Variants in GRID2 observed in about 807,000 individuals in gnomAD.
The protein encoded by GRID2 is glutamate ionotropic receptor delta type subunit 2.
A neutral mutation model predicts 114.8 loss-of-function variants in GRID2; 33 were observed. That is an observed-to-expected ratio of 0.29 (90% CI 0.22 to 0.38). GRID2 has a LOEUF of 0.38. Ranked by LOEUF, GRID2 falls within the 10% of genes least tolerant of loss-of-function variation. The pLI is 1.00. For synonymous variants in GRID2, 505 were observed against 449.9 expected, an observed-to-expected ratio of 1.12 and a Z score of -1.55; for missense variants, 1,184 against 1,257.7, an observed-to-expected ratio of 0.94 and a Z score of 0.89.
intron 2 of GRID2, among the ~76,000 whole-genome samples, chr4:92,805,668 C>A (rs1740374880): frequency 6.6e-6 from 1 of 151,908 alleles, no homozygotes; most frequent in Non-Finnish European, 1.5e-5. Context: ...TGCAGTGGCT[C>A]ACGCTTGTAA....
At chr4:92,857,142 G>A (rs531493758) in intron 2 of GRID2, among the ~76,000 whole-genome samples, 9 of 152,132 alleles carry the variant, frequency 5.9e-5, no homozygotes, top group South Asian at 2.1e-4. Context: ...TTCCCCTCCC[G>A]CTCCTCAAGC....
intron 13 of GRID2, among the ~76,000 whole-genome samples, chr4:93,589,027 C>A (rs1031046210): frequency 2.1e-5 from 3 of 144,138 alleles, no homozygotes; most frequent in Non-Finnish European, 3.2e-5. Context: ...TCTGCACTCC[C>A]CTGCTTTTTT....
chr4:92,506,346 A>G (rs1266982744), intron 1 of GRID2, among the ~76,000 whole-genome samples: 1 of 152,024 alleles, frequency 6.6e-6, no homozygotes, highest in Admixed American at 6.6e-5. Context: ...TTAAGTGACT[A>G]TGTGACACAA....
intron 2 of GRID2, among the ~76,000 whole-genome samples, chr4:92,951,469 G>C (rs996336474): frequency 2.0e-5 from 3 of 151,738 alleles, no homozygotes; most frequent in Non-Finnish European, 2.9e-5. Flanking sequence ...GCCTCCTGAG[G>C]AGCTTGGACT....
At chr4:93,395,207 A>C (rs1765214250) in intron 8 of GRID2, among the ~76,000 whole-genome samples, 10 of 152,036 alleles carry the variant, frequency 6.6e-5, no homozygotes, top group Admixed American at 6.6e-4. Flanking sequence ...AAAGCCATAT[A>C]AGATCAAATT....
intron 11 of GRID2, among the ~76,000 whole-genome samples, chr4:93,470,696 C>CA (rs1232569191): frequency 6.6e-6 from 1 of 152,008 alleles, no homozygotes; most frequent in Non-Finnish European, 1.5e-5. Context: ...AATGTAGTTT[C>CA]ATAAACTTTC....
intron 9 of GRID2, among the ~76,000 whole-genome samples, chr4:93,407,665 A>G (rs1007224297): frequency 7.1e-6 from 1 of 141,238 alleles, no homozygotes; most frequent in African/African-American, 3.0e-5. Flanking sequence ...GGAACTTTAC[A>G]ATTTTTCAGA....
intron 2 of GRID2, among the ~76,000 whole-genome samples, chr4:92,936,706 A>G (rs1750699783): frequency 6.8e-6 from 1 of 146,192 alleles, no homozygotes; most frequent in African/African-American, 2.4e-5. Flanking sequence ...TTCAATTAAG[A>G]GATTTTTGGA....
chr4:92,909,888 T>C (rs986849047), intron 2 of GRID2, among the ~76,000 whole-genome samples: 1 of 152,144 alleles, frequency 6.6e-6, no homozygotes, highest in Non-Finnish European at 1.5e-5. Flanking sequence ...AGGTTGGAAT[T>C]GTTAAAAGAA....
chr4:93,493,054 C>A (rs1169269633), intron 12 of GRID2, among the ~76,000 whole-genome samples: 1 of 151,786 alleles, frequency 6.6e-6, no homozygotes, highest in Non-Finnish European at 1.5e-5. Context: ...CAAGTTCATC[C>A]ATGTTGTTGC....
intron 4 of GRID2, among the ~76,000 whole-genome samples, chr4:93,147,615 G>A (rs868827029): frequency 1.3e-5 from 2 of 152,144 alleles, no homozygotes; most frequent in Admixed American, 6.5e-5. Context: ...CATGCTGTGA[G>A]CCATTAGCTG....
intron 12 of GRID2, among the ~76,000 whole-genome samples, chr4:93,498,483 A>T (rs567954422): frequency 7.9e-5 from 12 of 151,996 alleles, no homozygotes; most frequent in Non-Finnish European, 1.3e-4. Context: ...ATAGTAATTG[A>T]ATTTTTAATT....
chr4:93,019,515 T>C (rs1341958797), intron 2 of GRID2, among the ~76,000 whole-genome samples: 1 of 152,144 alleles, frequency 6.6e-6, no homozygotes, highest in Non-Finnish European at 1.5e-5. Context: ...ATGATCTACA[T>C]TTTGGTTATT....
intron 8 of GRID2, among the ~76,000 whole-genome samples, chr4:93,348,889 C>A (rs778447525): frequency 3.9e-5 from 6 of 152,186 alleles, no homozygotes; most frequent in Non-Finnish European, 8.8e-5. Context: ...ATCAGATCTA[C>A]ATAGAAAGCT....
At chr4:93,216,381 T>C (rs1485832961) in intron 5 of GRID2, among the ~76,000 whole-genome samples, 3 of 151,270 alleles carry the variant, frequency 2.0e-5, no homozygotes, top group African/African-American at 7.4e-5. Context: ...TAATTAATAA[T>C]AAACTATAAT....
chr4:92,329,023 G>C (rs184463361), intron 1 of GRID2, among the ~76,000 whole-genome samples: 1 of 151,938 alleles, frequency 6.6e-6, no homozygotes, highest in South Asian at 2.1e-4. Context: ...TAGTCTCCTG[G>C]GTAGAGTTTG....
chr4:92,825,906 T>A (rs564221828), intron 2 of GRID2, among the ~76,000 whole-genome samples: 5 of 152,258 alleles, frequency 3.3e-5, no homozygotes, highest in African/African-American at 1.2e-4. Context: ...ATGTCCTAAC[T>A]GCTTAAGCCA....
At chr4:92,620,663 C>T (rs1361107064) in intron 2 of GRID2, among the ~76,000 whole-genome samples, 1 of 151,356 alleles carries the variant, frequency 6.6e-6, no homozygotes, top group Non-Finnish European at 1.5e-5. Flanking sequence ...TTAGTTACTC[C>T]TTACATAACA....
chr4:92,832,999 A>G (rs1444141493), intron 2 of GRID2, among the ~76,000 whole-genome samples: 3 of 152,296 alleles, frequency 2.0e-5, no homozygotes, highest in Admixed American at 6.5e-5. Context: ...GGTAGATGTT[A>G]TGTTTACAAA....
Sources: allele counts gnomAD v4.1 joint callset (sites outside exome capture counted in the v4.1 genomes callset), GRCh38; gene constraint gnomAD v4.1.1; transcripts MANE v1.5; gene names NCBI Gene and HGNC (gene_info 2026-07-23, HGNC 2026-07-21).